DMAC2: variants seen among roughly 807,000 people sequenced by gnomAD.
DMAC2 encodes the protein distal membrane arm assembly component 2, also known as distal membrane-arm assembly complex protein 2.
A neutral mutation model predicts 29.6 loss-of-function variants in DMAC2; 32 were observed. The observed-to-expected ratio is 1.08, with a 90% CI of 0.81 to 1.45. DMAC2 has a LOEUF of 1.45. DMAC2 is among the 40% of genes most tolerant of loss of function. The pLI, the probability that DMAC2 is intolerant of heterozygous loss-of-function variation, is 0.00. For synonymous variants in DMAC2, 133 were observed against 137.4 expected, an observed-to-expected ratio of 0.97 and a Z score of 0.23; for missense variants, 319 against 340.0, an observed-to-expected ratio of 0.94 and a Z score of 0.49.
At chr19:41,434,857 T>A (rs1302896605) in intron 3 of DMAC2, among the ~76,000 whole-genome samples, 5 of 151,748 alleles carry the variant, frequency 3.3e-5, no homozygotes, top group Non-Finnish European at 5.9e-5. Context: ...ATAAAAAAAA[T>A]TAGCCGGGCG....
Position 41,438,218 on chromosome 19 carries a change from C to G in DMAC2, c.215G>C (p.Arg72Pro). The G allele has an allele frequency of 1.2e-6, 2 of 1,612,916 alleles. No individual in the cohort carries two copies. Among genetic ancestry groups the G allele is most frequent in the Non-Finnish European group, 1.7e-6 (2 of 1,179,194 alleles). The change falls in exon 2 of 6, where the codon CGA (arginine) becomes CCA (proline). Residue 72 changes from arginine to proline, a missense_variant and splice_region_variant. Arg to Pro is a moderately radical substitution (Grantham distance 103). Coordinates refer to ENST00000221943, the MANE Select transcript of DMAC2 (RefSeq NM_018035.3). Reference protein sequence around the residue: ...REMYKVHEKNRSYTWLEKQHG... With the variant: ...REMYKVHEKNPSYTWLEKQHG... ...GGTCTTGCAGACCAGGGATTCTCAC[C>G]GATTTTTCTCATGCACCTTGTACAT...
At chr19:41,433,790 T>A (rs1280221267) in intron 3 of DMAC2, 117 bp from the exon 4 acceptor site, 1 of 1,389,522 alleles carries the variant, frequency 7.2e-7, no homozygotes. Context: ...ACATAACTAA[T>A]TCCATCTTAG....
At chr19:41,435,270 CATT>C (rs748887079) in intron 3 of DMAC2, among the ~76,000 whole-genome samples, 5 of 151,656 alleles carry the variant, frequency 3.3e-5, no homozygotes, top group South Asian at 2.1e-4. Flanking sequence ...CACGCCCAGC[CATT>C]ATTATTATTA....
intron 2 of DMAC2, 120 bp downstream of exon 2, chr19:41,438,098 C>G (rs1315689090): frequency 2.2e-6 from 2 of 916,362 alleles, no homozygotes; most frequent in African/African-American, 3.3e-5. Flanking sequence ...GGAGATGGAG[C>G]TGCAAGAGAC....
Position 41,433,669 on chromosome 19 carries a change from G to A in DMAC2, c.301C>T (p.Arg101Ter), listed in dbSNP as rs370082149. Residue 101 changes from arginine to a stop codon, truncating the protein, a stop_gained, in exon 4 of 6, where the codon CGA becomes TGA. Coordinates refer to ENST00000221943, the MANE Select transcript of DMAC2 (RefSeq NM_018035.3). LOFTEE classifies it high-confidence loss of function. ...ILKQGGAVKF[R>*]DKEWIRPDKY... is the part of the protein sequence containing the mutation. ...TCTGGCCTGATCCACTCCTTGTCTC[G>A]AAACCTGGAAACGGGAAAGGGAGTG... The A allele has an allele frequency of 5.1e-5, 82 of 1,614,040 alleles. No individual in the cohort carries two copies. Among genetic ancestry groups the A allele is most frequent in the Middle Eastern group, 3.3e-4 (2 of 6,084 alleles).
chr19:41,438,612 G>A (rs1435834775), intron 1 of DMAC2, among the ~76,000 whole-genome samples, 198 bp from the exon 2 acceptor site: 7 of 152,120 alleles, frequency 4.6e-5, no homozygotes, highest in African/African-American at 1.2e-4. Flanking sequence ...TCCCCTTAGT[G>A]AACCCTAAAT....
At chr19:41,433,823 C>T (rs1423850132) in intron 3 of DMAC2, 150 bp from the exon 4 acceptor site, 17 of 1,107,416 alleles carry the variant, frequency 1.5e-5, no homozygotes, top group African/African-American at 3.2e-5. Flanking sequence ...TCTGGCTGTG[C>T]GCAGTGGCTC....
In DMAC2 at chr19:41,439,755, C is replaced by A. The variant is rs550339103; in HGVS notation, c.18+127G>T. ...TAGCCACAGGTTTGCACTCCCAGTA[C>A]GGGGCTTGCCAGGCTTAGCCTGCTG... On this transcript the variant is annotated intron_variant, in intron 1 of 5. Coordinates refer to ENST00000221943, the MANE Select transcript of DMAC2 (RefSeq NM_018035.3). The A allele has an allele frequency of 3.9e-5, 59 of 1,500,054 alleles. No individual in the cohort carries two copies. In the African/African-American group the frequency reaches 7.3e-4, roughly 19 times the overall value. 92.9% of individuals were successfully genotyped at this position (1,500,054 alleles called of 1,614,324 possible).
intron 5 of DMAC2, chr19:41,432,674 G>GTGTGTGTGTGTATA: frequency 8.2e-6 from 3 of 364,230 alleles, no homozygotes; most frequent in Non-Finnish European, 1.5e-5. Flanking sequence ...GTGTGTGTGT[G>GTGTGTGTGTGTATA]TGTATAGGGA....
At position 41,437,175 on chromosome 19, in the gene DMAC2, G is replaced by A. The variant is rs537414505; in HGVS notation, c.216-703C>T. 5.3e-5 allele frequency among the ~76,000 whole-genome samples: 8 copies of A among 152,248 alleles called. No individual in the cohort carries two copies. In the South Asian group the frequency reaches 1.7e-3, roughly 32 times the overall value. On this transcript the variant is annotated intron_variant, in intron 2 of 5. Coordinates refer to ENST00000221943, the MANE Select transcript of DMAC2 (RefSeq NM_018035.3). ...AGCACTTTGGAAGGCCGAGGCAGGTGGATCATCTGAGGTCAGGATTTCGAG... is the reference window on the plus strand; with the variant it reads ...AGCACTTTGGAAGGCCGAGGCAGGTAGATCATCTGAGGTCAGGATTTCGAG...
At chr19:41,436,021 G>A (rs377148436) in intron 3 of DMAC2, among the ~76,000 whole-genome samples, 2 of 152,040 alleles carry the variant, frequency 1.3e-5, no homozygotes, top group African/African-American at 4.8e-5. Context: ...GATTACAGGC[G>A]CCTGCCACCA....
At chr19:41,435,404 G>A (rs573000517) in intron 3 of DMAC2, among the ~76,000 whole-genome samples, 1 of 152,224 alleles carries the variant, frequency 6.6e-6, no homozygotes, top group East Asian at 1.9e-4. Context: ...CTAAGTAGCT[G>A]GCATTACAGG....
chr19:41,433,927 G>A (rs1422369437), intron 3 of DMAC2, among the ~76,000 whole-genome samples: 3 of 150,450 alleles, frequency 2.0e-5, no homozygotes, highest in African/African-American at 4.9e-5. Context: ...GTGAGACCTC[G>A]TCCCTATGAA....
At chr19:41,438,563 G>T in intron 1 of DMAC2, 149 bp from the exon 2 acceptor site, 1 of 710,354 alleles carries the variant, frequency 1.4e-6, no homozygotes, top group South Asian at 2.5e-5. Flanking sequence ...CTGTCTTTGA[G>T]ATTCCAAAAA....
chr19:41,432,581 G>C (rs1465666144), intron 5 of DMAC2, 173 bp from the exon 6 acceptor site: 7 of 636,782 alleles, frequency 1.1e-5, no homozygotes, highest in Non-Finnish European at 2.0e-5. Context: ...GTGTGTGTGT[G>C]TGTGTGTATA....
rs781975175 is a variant in DMAC2 at position 41,436,384 on chromosome 19, G to A, written c.296+8C>T. The A allele has an allele frequency of 6.2e-6, 10 of 1,613,392 alleles. No individual in the cohort carries two copies. The highest frequency in any genetic ancestry group is 1.7e-5 in the Admixed American group (1 of 60,022). On this transcript the variant is annotated splice_region_variant and intron_variant, in intron 3 of 5. Transcript: ENST00000221943. ...CCCCAGCCCGTTCTAACACCTTAGC[G>A]GTCATACTTGACTGCGCCTCCCTGC...
chr19:41,432,453 T>G, intron 5 of DMAC2, 45 bp from the exon 6 acceptor site: 2 of 1,479,760 alleles, frequency 1.4e-6, no homozygotes, highest in Non-Finnish European at 9.3e-7. Context: ...AAGGACAGCA[T>G]GTGTGTGTGT....
Position 41,433,566 on chromosome 19 carries a change from T to A in DMAC2, c.404A>T (p.Asp135Val), listed in dbSNP as rs1448824470. ...GTTATCCAGGCCCTCGTAGTTGATG[T>A]CACAGTCACCGGCATCCACAGCTTC... The part of the protein sequence containing the change: ...PVEAVDAGDC[D>V]INYEGLDNLL... Residue 135 changes from aspartate to valine, a missense_variant, in exon 4 of 6, where the codon GAC becomes GTC. Coordinates refer to ENST00000221943, the MANE Select transcript of DMAC2 (RefSeq NM_018035.3). 1 of 1,614,154 alleles carries A rather than the reference T, an allele frequency of 6.2e-7. No individual in the cohort carries two copies. The highest frequency in any genetic ancestry group is 2.2e-5 in the East Asian group (1 of 44,886).
Position 41,436,397 on chromosome 19 carries a change from T to C in DMAC2, c.291A>G (p.Ala97=). 2 of 1,614,110 alleles carry C rather than the reference T, an allele frequency of 1.2e-6. No individual in the cohort carries two copies. The highest frequency in any genetic ancestry group is 3.3e-4 in the Middle Eastern group (2 of 6,060). ...GAFFILKQGG[A]VKFRDKEWIR... is the part of the protein sequence containing the mutation. ...TAACACCTTAGCGGTCATACTTGAC[T>C]GCGCCTCCCTGCTTCAGGATGAAAA... Residue 97 remains alanine, a synonymous_variant, in exon 3 of 6, where the codon GCA becomes GCG. Coordinates refer to ENST00000221943, the MANE Select transcript of DMAC2 (RefSeq NM_018035.3).
Sources: allele counts gnomAD v4.1 joint callset (sites outside exome capture counted in the v4.1 genomes callset), GRCh38; gene constraint gnomAD v4.1.1; transcripts MANE v1.5; gene names NCBI Gene and HGNC (gene_info 2026-07-23, HGNC 2026-07-21).